KIRREL3: variants seen among roughly 807,000 people sequenced by gnomAD.
KIRREL3 encodes kirre like nephrin family adhesion molecule 3.
In KIRREL3, 36 loss-of-function variants were observed where a neutral mutation model predicts 89.7. The observed-to-expected ratio is 0.40, with a 90% CI of 0.31 to 0.53. KIRREL3 has a LOEUF of 0.53. Ranked by LOEUF, KIRREL3 falls within the 20% of genes least tolerant of loss-of-function variation. The pLI, the probability that KIRREL3 is intolerant of heterozygous loss-of-function variation, is 0.49. For synonymous variants in KIRREL3, 445 were observed against 441.4 expected (o/e 1.01, Z -0.10); for missense variants, 864 against 1,056.6 (o/e 0.82, Z 2.53).
chr11:126,775,596 C>T (rs752120579), intron 1 of KIRREL3, among the ~76,000 whole-genome samples: 9 of 152,284 alleles, frequency 5.9e-5, no homozygotes, highest in Middle Eastern at 3.4e-3. Flanking sequence ...CTGACTCACT[C>T]GCTGCTGGGT....
chr11:126,446,266 CTCT>C (rs1388812521), intron 9 of KIRREL3, among the ~76,000 whole-genome samples: 312 of 43,994 alleles, frequency 7.1e-3, no homozygotes, highest in African/African-American at 0.012. Context: ...TTTTCTTTCT[CTCT>C]CTTTCTTTTC....
Position 126,682,253 on chromosome 11 carries a change from C to T in KIRREL3, c.56-119341G>A. ...GCTGAAACACTTCTTAAATGTGTTC[C>T]CTCCTATGCATTCTGCTATGCATAG... On this transcript the variant is annotated intron_variant, in intron 1 of 16. Coordinates refer to ENST00000525144, the MANE Select transcript of KIRREL3 (RefSeq NM_032531.4). This position sits in a 1 kb window ranked among gnomAD's most constrained non-coding sequence, Gnocchi z 4.8. 1 of 211,080 alleles carries T rather than the reference C, an allele frequency of 4.7e-6. No homozygotes were observed. The highest frequency in any genetic ancestry group is 9.7e-6 in the Non-Finnish European group (1 of 102,626). The allele number at this position is 211,080 out of a possible 1,614,324, so 13.1% of individuals were successfully genotyped here.
chr11:126,700,747 C>T (rs1453843961), intron 1 of KIRREL3, among the ~76,000 whole-genome samples: 1 of 152,160 alleles, frequency 6.6e-6, no homozygotes, highest in East Asian at 1.9e-4. Context: ...AACCTCTCCG[C>T]CTGTCATTCT....
In KIRREL3 at chr11:126,883,566, A is replaced by G. The variant is rs887038131; in HGVS notation, c.55+116889T>C. ...CCAAACCTTTGATGAAGTTTGGGTAAAGTCACTTTCTGCAGTGGAGAATGC... is the reference window on the plus strand; with the variant it reads ...CCAAACCTTTGATGAAGTTTGGGTAGAGTCACTTTCTGCAGTGGAGAATGC... On this transcript the variant is annotated intron_variant, in intron 1 of 16. Coordinates refer to ENST00000525144, the MANE Select transcript of KIRREL3 (RefSeq NM_032531.4). This position sits in a 1 kb window ranked among gnomAD's most constrained non-coding sequence, Gnocchi z 4.1. Among the ~76,000 whole-genome samples, 6 of 152,074 alleles carry G rather than the reference A, an allele frequency of 3.9e-5. No individual in the cohort carries two copies.
chr11:126,584,225 G>A (rs1053501519), intron 1 of KIRREL3, among the ~76,000 whole-genome samples: 1 of 152,174 alleles, frequency 6.6e-6, no homozygotes, highest in Non-Finnish European at 1.5e-5. Flanking sequence ...ACATAGCCTG[G>A]GAGCACAGTC....
In KIRREL3 at chr11:126,541,402, G is replaced by T. The variant is rs1322446053; in HGVS notation, c.134-14715C>A. ...TTATCCAAAATCCTATTTCGGGGGT[G>T]GGGGGTGGTCCTAAGGTTGAAAATA... On this transcript the variant is annotated intron_variant, in intron 2 of 16. Transcript: ENST00000525144. The surrounding 1 kb of genome is among the most constrained non-coding windows in gnomAD (Gnocchi z 4.8). Among the ~76,000 whole-genome samples, 2 of 151,440 alleles carry T rather than the reference G, an allele frequency of 1.3e-5. No homozygotes were observed. The highest frequency in any genetic ancestry group is 2.9e-5 in the Non-Finnish European group (2 of 68,006).
chr11:126,692,544 CAAAAAA>C (rs71048799), intron 1 of KIRREL3, among the ~76,000 whole-genome samples: 42 of 42,684 alleles, frequency 9.8e-4, no homozygotes, highest in African/African-American at 4.2e-3. Context: ...GACTCTGTCT[CAAAAAA>C]AAAAAAAAAA....
rs1950072594 is a variant in KIRREL3 at position 126,773,268 on chromosome 11, G to GAA, written c.56-210357_56-210356insTT. The stretch of plus-strand genomic sequence containing the variant: ...TGAGGTTAACACTCTTGAATCAGGG[G>GAA]ACTGAGTGAAGTCAATACAGTGTGG... On this transcript the variant is annotated intron_variant, in intron 1 of 16. Transcript: ENST00000525144. The surrounding 1 kb of genome is among the most constrained non-coding windows in gnomAD (Gnocchi z 4.2). 6.6e-6 allele frequency among the ~76,000 whole-genome samples: 1 copy of GAA among 152,148 alleles called. No homozygotes were observed. The highest frequency in any genetic ancestry group is 2.4e-5 in the African/African-American group (1 of 41,422).
In KIRREL3 at chr11:126,523,805, C is replaced by G. The variant is rs1958668795; in HGVS notation, c.284-2341G>C. On this transcript the variant is annotated intron_variant, in intron 3 of 16. Coordinates refer to ENST00000525144, the MANE Select transcript of KIRREL3 (RefSeq NM_032531.4). This position sits in a 1 kb window ranked among gnomAD's most constrained non-coding sequence, Gnocchi z 4.9. ...CACTATCCTGTGATTAGTCCCTGGTCTCCTGCAGGCATCTTGGCTGGAGCT... is the reference window on the plus strand; with the variant it reads ...CACTATCCTGTGATTAGTCCCTGGTGTCCTGCAGGCATCTTGGCTGGAGCT... 6.6e-6 allele frequency among the ~76,000 whole-genome samples: 1 copy of G among 152,186 alleles called. No homozygotes were observed. The highest frequency in any genetic ancestry group is 6.5e-5 in the Admixed American group (1 of 15,278).
chr11:126,509,107 T>C (rs779436492), intron 4 of KIRREL3, among the ~76,000 whole-genome samples: 7 of 152,182 alleles, frequency 4.6e-5, no homozygotes, highest in Non-Finnish European at 8.8e-5. Flanking sequence ...TCAGAACTTC[T>C]CATGAGTGAA....
At chr11:126,452,999 C>T (rs1956231094) in intron 7 of KIRREL3, among the ~76,000 whole-genome samples, 2 of 152,136 alleles carry the variant, frequency 1.3e-5, no homozygotes, top group Admixed American at 1.3e-4. Context: ...TCGTGCCTCT[C>T]CTGATTTTGG....
At chr11:126,732,811 A>G (rs1006606039) in intron 1 of KIRREL3, among the ~76,000 whole-genome samples, 6 of 152,236 alleles carry the variant, frequency 3.9e-5, no homozygotes, top group African/African-American at 1.4e-4. Context: ...TGCAGAGTGG[A>G]AAAGGCCAGG....
chr11:126,712,631 G>A (rs1947808341), intron 1 of KIRREL3, among the ~76,000 whole-genome samples: 1 of 152,180 alleles, frequency 6.6e-6, no homozygotes, highest in Admixed American at 6.5e-5. Context: ...CACCCGCCAC[G>A]GCTTTTGTCC....
At chr11:126,861,706 C>T (rs1944710414) in intron 1 of KIRREL3, among the ~76,000 whole-genome samples, 2 of 152,166 alleles carry the variant, frequency 1.3e-5, no homozygotes, top group South Asian at 2.1e-4. Context: ...CAAATGTACG[C>T]TGGTATATTC....
At position 126,795,150 on chromosome 11, in the gene KIRREL3, T is replaced by G. The variant is rs1016425559; in HGVS notation, c.55+205305A>C. ...GCACTGAAACTATTCTGTATGATCA[T>G]GTAATGGTGGATACATGTCATCACA... On this transcript the variant is annotated intron_variant, in intron 1 of 16. Coordinates refer to ENST00000525144, the MANE Select transcript of KIRREL3 (RefSeq NM_032531.4). The surrounding 1 kb of genome is among the most constrained non-coding windows in gnomAD (Gnocchi z 4.1). 2.6e-5 allele frequency among the ~76,000 whole-genome samples: 4 copies of G among 152,274 alleles called. No individual in the cohort carries two copies. Among genetic ancestry groups the G allele is most frequent in the African/African-American group, 9.6e-5 (4 of 41,538 alleles).
intron 1 of KIRREL3, among the ~76,000 whole-genome samples, chr11:126,833,276 T>C (rs115870004): frequency 0.013 from 2,054 of 152,300 alleles, 47 homozygotes; most frequent in African/African-American, 0.047. Context: ...CTTAGAAGCA[T>C]GAAATAGGCA....
intron 5 of KIRREL3, among the ~76,000 whole-genome samples, chr11:126,469,694 T>C (rs1013042190): frequency 6.6e-6 from 1 of 152,328 alleles, no homozygotes; most frequent in Admixed American, 6.5e-5. Context: ...ACAGTTAGGA[T>C]GGTGGATGAC....
In KIRREL3 at chr11:126,491,501, A is replaced by G. The variant is rs558942405; in HGVS notation, c.434-18035T>C. ...CATCTGGGCCAGACTGTTGGACTCC[A>G]GTGTTGTCTGTCCCCCGAGTCGAGG... On this transcript the variant is annotated intron_variant, in intron 4 of 16. Coordinates refer to ENST00000525144, the MANE Select transcript of KIRREL3 (RefSeq NM_032531.4). The surrounding 1 kb of genome is among the most constrained non-coding windows in gnomAD (Gnocchi z 5.5). Among the ~76,000 whole-genome samples the G allele has an allele frequency of 9.2e-5, 14 of 152,156 alleles. No homozygotes were observed. Among genetic ancestry groups the G allele is most frequent in the African/African-American group, 3.4e-4 (14 of 41,512 alleles).
intron 1 of KIRREL3, chr11:126,936,912 A>T (rs1345457468): frequency 1.3e-5 from 2 of 152,250 alleles, no homozygotes; most frequent in Middle Eastern, 3.2e-3. Context: ...TATGTAAATT[A>T]TACCTCAATA....
Sources: gnomAD v4.1 joint callset for allele counts (sites outside exome capture counted in the v4.1 genomes callset) on GRCh38, gnomAD v4.1.1 for gene constraint, Gnocchi (gnomAD v3.1) non-coding constraint, MANE v1.5 for transcripts, NCBI Gene and HGNC (gene_info 2026-07-23, HGNC 2026-07-21) for gene names.